KDM5C: variants seen among roughly 807,000 people sequenced by gnomAD.
KDM5C encodes lysine-specific demethylase 5C.
KDM5C carries 16 observed loss-of-function variants against 110.6 expected under a neutral mutation model. The ratio of observed to expected loss-of-function variants is 0.14; its 90% CI spans 0.10 to 0.22. The LOEUF is 0.22. Ranked by LOEUF, KDM5C falls within the 10% of genes least tolerant of loss-of-function variation. The pLI is 1.00. For missense variants in KDM5C, 681 were observed against 1,300.9 expected (o/e 0.52, Z 7.33); for synonymous variants, 511 against 520.4 (o/e 0.98, Z 0.24).
intron 2 of KDM5C, among the ~76,000 whole-genome samples, chrX:53,219,839 CT>C (rs2073850394): frequency 8.9e-6 from 1 of 112,245 alleles, no homozygotes; most frequent in South Asian, 3.7e-4. Context: ...TACAGAAAAC[CT>C]GCCCTTGTGT....
rs782318331 is a variant in KDM5C at position 53,198,762 on chromosome X, A to G, written c.2368+2T>C. ...AGTCCCTCCATCCCCCCCATCACTC[A>G]CTGCGCTTCCGCCCATCCTCCACCT... is the stretch of plus-strand genomic sequence containing the variant. On this transcript the variant is annotated splice_donor_variant, in intron 16 of 25. Coordinates refer to ENST00000375401, the MANE Select transcript of KDM5C (RefSeq NM_004187.5). LOFTEE classifies it high-confidence loss of function. 1 of 1,211,998 alleles carries G rather than the reference A, an allele frequency of 8.3e-7. No homozygotes were observed. The highest frequency in any genetic ancestry group is 1.7e-5 in the African/African-American group (1 of 57,818).
At position 53,211,688 on chromosome X, in the gene KDM5C, C is replaced by T. The variant is rs782530564; in HGVS notation, c.1243-33G>A. 5.0e-6 allele frequency: 6 copies of T among 1,208,691 alleles called. No individual in the cohort carries two copies. In the Admixed American group the frequency reaches 1.3e-4, roughly 26 times the overall value. On this transcript the variant is annotated intron_variant, in intron 9 of 25. Transcript: ENST00000375401. ...AAGACAGGTAGCAGATGACTATGGC[C>T]CATCACACCCTGGACCCACTGATCC... is the stretch of plus-strand genomic sequence containing the variant.
At chrX:53,203,859 C>T (rs1009863651) in intron 12 of KDM5C, among the ~76,000 whole-genome samples, 11 of 109,782 alleles carry the variant, frequency 1.0e-4, no homozygotes, top group East Asian at 2.8e-4. Context: ...CTCGGCCTCC[C>T]GGGTTCAAGT....
At chrX:53,190,383 G>A (rs1330812910), downstream of KDM5C, among the ~76,000 whole-genome samples, 1 of 112,451 alleles carries the variant, frequency 8.9e-6, no homozygotes, top group Non-Finnish European at 1.9e-5. Flanking sequence ...CTATACCAGG[G>A]AGGCCTCCGT....
At chrX:53,213,150 G>C (rs1177882573) in intron 8 of KDM5C, among the ~76,000 whole-genome samples, 2 of 112,107 alleles carry the variant, frequency 1.8e-5, no homozygotes, top group Non-Finnish European at 3.8e-5. Context: ...TTTTAGATGA[G>C]AACAATATGT....
chrX:53,208,416 CATATATATAT>C (rs66504974), intron 12 of KDM5C, among the ~76,000 whole-genome samples: 11,494 of 85,311 alleles, frequency 0.13, 1,992 homozygotes, highest in African/African-American at 0.46. Flanking sequence ...TATACACATA[CATATATATAT>C]ATATATATAT....
intron 8 of KDM5C, among the ~76,000 whole-genome samples, chrX:53,213,702 A>G (rs1336408228): frequency 1.8e-5 from 2 of 111,527 alleles, no homozygotes; most frequent in Non-Finnish European, 3.8e-5. Flanking sequence ...ATCTAAATAT[A>G]ACAAGAGGAA....
chrX:53,195,802 C>A (rs1934798468), intron 20 of KDM5C, 114 bp downstream of exon 20: 2 of 818,627 alleles, frequency 2.4e-6, no homozygotes, highest in East Asian at 3.4e-5. Context: ...TGCCATGCCC[C>A]CTTCCTCTCT....
At chrX:53,183,654 C>T (rs1456016485) in intron 25 of KDM5C, among the ~76,000 whole-genome samples, 8 of 107,870 alleles carry the variant, frequency 7.4e-5, no homozygotes, top group African/African-American at 2.0e-4. Flanking sequence ...CTGCAACCTC[C>T]GCCTCCCAGG....
chrX:53,206,433 A>T (rs1273955319), intron 12 of KDM5C, among the ~76,000 whole-genome samples: 2 of 111,806 alleles, frequency 1.8e-5, no homozygotes, highest in Non-Finnish European at 3.8e-5. Context: ...TGTACTTAAA[A>T]TGGGTGAATT....
rs1556837836 is a variant in KDM5C at position 53,197,008 on chromosome X, C to T, written c.2659G>A (p.Ala887Thr). The T allele has an allele frequency of 8.4e-7, 1 of 1,193,589 alleles. No homozygotes were observed. Among genetic ancestry groups the T allele is most frequent in the Non-Finnish European group, 1.1e-6 (1 of 886,469 alleles). Residue 887 changes from alanine to threonine, a missense_variant, in exon 19 of 26, where the codon GCT becomes ACT. By Grantham distance (58) the Ala-to-Thr change is moderately conservative. Transcript: ENST00000375401. The stretch of plus-strand genomic sequence containing the variant: ...GGCAGTGAGGCCAGGGCCTCACGAG[C>T]CTCAGCCTGGTAGGCCTCCACCTGT... ...LEQVEAYQAE[A>T]REALASLPSS...
intron 22 of KDM5C, 72 bp from the exon 23 acceptor site, chrX:53,194,810 A>AC: frequency 2.5e-6 from 3 of 1,181,908 alleles, no homozygotes; most frequent in Non-Finnish European, 3.4e-6. Context: ...CCCCCTTAAC[A>AC]CCCCCACTCC....
At chrX:53,212,103 C>T (rs1258692975) in intron 8 of KDM5C, among the ~76,000 whole-genome samples, 197 bp from the exon 9 acceptor site, 1 of 111,729 alleles carries the variant, frequency 9.0e-6, no homozygotes, top group African/African-American at 3.3e-5. Context: ...CCCCATCATG[C>T]TTTTGCTCAG....
Position 53,198,891 on chromosome X carries a change from G to A in KDM5C, c.2244-3C>T. On this transcript the variant is annotated splice_region_variant and splice_polypyrimidine_tract_variant and intron_variant, in intron 15 of 25. Coordinates refer to ENST00000375401, the MANE Select transcript of KDM5C (RefSeq NM_004187.5). Reference sequence around the variant, plus strand: ...GCTCATCCAAGGTATACCGATACCTGGAGGAAGAGGGCAGGCAAGAGCATG... The same window carrying A: ...GCTCATCCAAGGTATACCGATACCTAGAGGAAGAGGGCAGGCAAGAGCATG... The A allele has an allele frequency of 1.7e-6, 2 of 1,212,057 alleles. No homozygotes were observed. The highest frequency in any genetic ancestry group is 2.2e-6 in the Non-Finnish European group (2 of 895,565).
chrX:53,218,767 G>T, intron 2 of KDM5C: 1 of 285,035 alleles, frequency 3.5e-6, no homozygotes, highest in South Asian at 3.3e-5. Flanking sequence ...TAGCAATGAA[G>T]TTTCACCATG....
At chrX:53,198,934 T>A in intron 15 of KDM5C, 43 bp downstream of exon 15, 1 of 1,211,922 alleles carries the variant, frequency 8.3e-7, no homozygotes, top group Non-Finnish European at 1.1e-6. Flanking sequence ...CAGCTCTCCA[T>A]CCTCCTTCTT....
At chrX:53,205,455 A>G (rs2073295668) in intron 12 of KDM5C, among the ~76,000 whole-genome samples, 1 of 112,190 alleles carries the variant, frequency 8.9e-6, no homozygotes, top group Non-Finnish European at 1.9e-5. Flanking sequence ...TCTTACCTGT[A>G]TTACTGCACT....
chrX:53,185,066 T>C (rs1934179727), intron 25 of KDM5C, among the ~76,000 whole-genome samples: 2 of 112,466 alleles, frequency 1.8e-5, no homozygotes, highest in Admixed American at 9.4e-5. Context: ...CTTTTGACTA[T>C]GTGGACATTG....
chrX:53,182,832 A>T (rs991802948), intron 25 of KDM5C, among the ~76,000 whole-genome samples: 2 of 112,232 alleles, frequency 1.8e-5, no homozygotes, highest in Non-Finnish European at 3.8e-5. Context: ...GATGCACAAA[A>T]TTTTTAATTC....
Sources: allele counts gnomAD v4.1 joint callset (sites outside exome capture counted in the v4.1 genomes callset), GRCh38; gene constraint gnomAD v4.1.1; transcripts MANE v1.5; gene names NCBI Gene and HGNC (gene_info 2026-07-23, HGNC 2026-07-21).